Variants in GOLGA7 observed in about 807,000 individuals in gnomAD.
GOLGA7 encodes the protein golgin A7.
Under a neutral mutation model 21.1 loss-of-function variants are expected in GOLGA7, and 10 were observed. The ratio of observed to expected loss-of-function variants is 0.47; its 90% CI spans 0.29 to 0.80. The LOEUF (loss-of-function observed/expected upper bound fraction) is 0.80, where lower values mean the gene tolerates loss of function less well. GOLGA7 is among the 30% of genes least tolerant of loss of function. The probability of loss-of-function intolerance (pLI) is 0.08; values close to 1 mark genes in which losing one functional copy is unlikely to be tolerated. For synonymous variants in GOLGA7, 64 were observed against 62.6 expected, an observed-to-expected ratio of 1.02 and a Z score of -0.10; for missense variants, 114 against 166.8, an observed-to-expected ratio of 0.68 and a Z score of 1.74.
chr8:41,500,717 G>A (rs755818944), intron 2 of GOLGA7, among the ~76,000 whole-genome samples: 14 of 152,190 alleles, frequency 9.2e-5, no homozygotes, highest in East Asian at 1.9e-4. Context: ...GGCCTGAGCC[G>A]CTGCGCCCAG....
chr8:41,494,823 T>C (rs1039077967), intron 1 of GOLGA7, among the ~76,000 whole-genome samples: 2 of 152,176 alleles, frequency 1.3e-5, no homozygotes, highest in South Asian at 2.1e-4. Flanking sequence ...GCCCATTGAC[T>C]CCTCACATTT....
chr8:41,497,751 C>T (rs1806056089), intron 2 of GOLGA7, 90 bp downstream of exon 2: 3 of 689,726 alleles, frequency 4.3e-6, no homozygotes, highest in East Asian at 5.1e-5. Flanking sequence ...TGATAGTTGC[C>T]GTAAAATATT....
At chr8:41,501,568 T>TA (rs766535314) in intron 2 of GOLGA7, among the ~76,000 whole-genome samples, 26 of 151,820 alleles carry the variant, frequency 1.7e-4, no homozygotes, top group African/African-American at 5.6e-4. Context: ...CTTACTTTTT[T>TA]AAAAAAAACT....
chr8:41,495,455 T>G (rs981057388), intron 1 of GOLGA7, among the ~76,000 whole-genome samples: 2 of 151,318 alleles, frequency 1.3e-5, no homozygotes, highest in Non-Finnish European at 2.9e-5. Flanking sequence ...TGGCTAATTT[T>G]TGCATTTTTA....
chr8:41,498,849 A>G (rs191526876), intron 2 of GOLGA7, among the ~76,000 whole-genome samples: 4 of 152,364 alleles, frequency 2.6e-5, no homozygotes, highest in Admixed American at 2.0e-4. Context: ...TGTTAAATAA[A>G]TGACTGTAAA....
At chr8:41,490,460 C>G (rs184733879), upstream of GOLGA7, 1 of 194,724 alleles carries the variant, frequency 5.1e-6, no homozygotes, top group Admixed American at 6.1e-5. Context: ...AGCCCCACAG[C>G]GCGCAGCTTC....
At chr8:41,491,655 C>CT (rs1246445316) in intron 1 of GOLGA7, among the ~76,000 whole-genome samples, 1 of 143,802 alleles carries the variant, frequency 7.0e-6, no homozygotes, top group Admixed American at 7.2e-5. Context: ...TTTGCTTCCC[C>CT]TTCAGACCTA....
Position 41,509,867 on chromosome 8 carries a change from G to T in GOLGA7, c.*299G>T, listed in dbSNP as rs1312041950. Reference sequence around the variant, plus strand: ...ATTCAAAGCCATTTAATAAAACACAGTTGGTCAGCCCAGTGCAAAGCTTGT... The same window carrying T: ...ATTCAAAGCCATTTAATAAAACACATTTGGTCAGCCCAGTGCAAAGCTTGT... On this transcript the variant is annotated 3_prime_UTR_variant, in exon 5 of 5. Coordinates refer to ENST00000357743, the MANE Select transcript of GOLGA7 (RefSeq NM_001002296.2). 6.6e-6 allele frequency: 1 copy of T among 152,522 alleles called. No homozygotes were observed. Among genetic ancestry groups the T allele is most frequent in the Non-Finnish European group, 1.5e-5 (1 of 68,040 alleles). The allele number at this position is 152,522 out of a possible 1,614,324, so 9.4% of individuals were successfully genotyped here.
intron 1 of GOLGA7, among the ~76,000 whole-genome samples, chr8:41,496,804 CT>C (rs34657481): frequency 2.2e-4 from 20 of 91,652 alleles, no homozygotes; most frequent in African/African-American, 6.6e-4. Flanking sequence ...CAGTTTATTG[CT>C]TTTTTTTTTT....
intron 1 of GOLGA7, among the ~76,000 whole-genome samples, chr8:41,493,490 T>C (rs1393508909): frequency 6.6e-6 from 1 of 152,242 alleles, no homozygotes; most frequent in Non-Finnish European, 1.5e-5. Context: ...CCTTTTAGAA[T>C]GTAATACTTT....
intron 2 of GOLGA7, among the ~76,000 whole-genome samples, chr8:41,503,954 A>G (rs1806211776): frequency 7.0e-6 from 1 of 143,524 alleles, no homozygotes; most frequent in Admixed American, 7.3e-5. Flanking sequence ...GGAATATCAC[A>G]CTCTGGGGAC....
chr8:41,507,284 A>G (rs1364004476), intron 4 of GOLGA7, among the ~76,000 whole-genome samples, 163 bp downstream of exon 4: 1 of 152,202 alleles, frequency 6.6e-6, no homozygotes, highest in Non-Finnish European at 1.5e-5. Flanking sequence ...GATATTTAAA[A>G]TGTGTATTCG....
At chr8:41,491,337 A>G (rs897320176) in intron 1 of GOLGA7, among the ~76,000 whole-genome samples, 1 of 152,126 alleles carries the variant, frequency 6.6e-6, no homozygotes, top group African/African-American at 2.4e-5. Flanking sequence ...GTTGTAAACT[A>G]TATCCTCCTA....
At chr8:41,500,127 C>T (rs1806115542) in intron 2 of GOLGA7, among the ~76,000 whole-genome samples, 1 of 152,234 alleles carries the variant, frequency 6.6e-6, no homozygotes, top group East Asian at 1.9e-4. Context: ...CGGAACAGGG[C>T]GAACATGGTT....
At chr8:41,491,108 G>A in intron 1 of GOLGA7, 143 bp downstream of exon 1, 1 of 626,262 alleles carries the variant, frequency 1.6e-6, no homozygotes, top group Non-Finnish European at 2.9e-6. Context: ...GGCCAAACGT[G>A]TAAGAAGAGA....
chr8:41,497,461 G>T, intron 1 of GOLGA7, 48 bp from the exon 2 acceptor site: 2 of 1,051,806 alleles, frequency 1.9e-6, no homozygotes, highest in Non-Finnish European at 2.8e-6. Context: ...TGCATTAGTT[G>T]ATTTTTTTTT....
Position 41,509,613 on chromosome 8 carries a change from T to G in GOLGA7, c.*45T>G, listed in dbSNP as rs1372713393. On this transcript the variant is annotated 3_prime_UTR_variant, in exon 5 of 5. Transcript: ENST00000357743. ...CACTTCCAGCCGGGCCCCTCATGTA[T>G]CCACTGGCCGACCGCAGAGTGTCCC... 6.5e-6 allele frequency: 1 copy of G among 152,674 alleles called. No homozygotes were observed. Among genetic ancestry groups the G allele is most frequent in the Non-Finnish European group, 1.5e-5 (1 of 68,072 alleles). The allele number at this position is 152,674 out of a possible 1,614,324, so 9.5% of individuals were successfully genotyped here.
intron 2 of GOLGA7, among the ~76,000 whole-genome samples, chr8:41,501,876 T>G (rs1806158295): frequency 6.6e-6 from 1 of 152,236 alleles, no homozygotes; most frequent in Admixed American, 6.5e-5. Flanking sequence ...TGGAAGATGG[T>G]CCTAAATACC....
chr8:41,504,981 T>C (rs1266971217), intron 2 of GOLGA7, among the ~76,000 whole-genome samples: 5 of 152,212 alleles, frequency 3.3e-5, no homozygotes, highest in South Asian at 2.1e-4. Context: ...TAAGGAAATA[T>C]ATAGTAATTT....
Sources: gnomAD v4.1 joint callset for allele counts (sites outside exome capture counted in the v4.1 genomes callset) on GRCh38, gnomAD v4.1.1 for gene constraint, MANE v1.5 for transcripts, NCBI Gene and HGNC (gene_info 2026-07-23, HGNC 2026-07-21) for gene names.